The following PLOD2 variants were observed in gnomAD, a reference collection of about 807,000 sequenced individuals.
The protein encoded by PLOD2 is lysine hydroxylase 2.
PLOD2 carries 65 observed loss-of-function variants against 101.0 expected under a neutral mutation model. The ratio of observed to expected loss-of-function variants is 0.64; its 90% CI spans 0.53 to 0.79. PLOD2 has a LOEUF of 0.79. Ranked by LOEUF, PLOD2 falls within the 30% of genes least tolerant of loss-of-function variation. The pLI is 0.00. For missense variants in PLOD2, 909 were observed against 914.6 expected (o/e 0.99, Z 0.08); for synonymous variants, 314 against 302.9 (o/e 1.04, Z -0.38).
chr3:146,091,117 A>G (rs1000206333), intron 8 of PLOD2, among the ~76,000 whole-genome samples: 1 of 151,894 alleles, frequency 6.6e-6, no homozygotes, highest in African/African-American at 2.4e-5. Context: ...ATGATAAAAT[A>G]TAACTATCTA....
intron 1 of PLOD2, among the ~76,000 whole-genome samples, chr3:146,155,361 T>G (rs1464864972): frequency 2.0e-5 from 3 of 151,830 alleles, no homozygotes; most frequent in Non-Finnish European, 4.4e-5. Context: ...AATAACAGTC[T>G]CTATAATTCT....
intron 3 of PLOD2, among the ~76,000 whole-genome samples, chr3:146,112,346 A>G (rs1265644164): frequency 1.3e-5 from 2 of 152,182 alleles, no homozygotes; most frequent in Non-Finnish European, 1.5e-5. Flanking sequence ...TGTCCTTTGC[A>G]GGGACATGGA....
chr3:146,127,546 T>C (rs1048336458), intron 1 of PLOD2, among the ~76,000 whole-genome samples: 1 of 152,090 alleles, frequency 6.6e-6, no homozygotes, highest in Non-Finnish European at 1.5e-5. Context: ...CGTATATATA[T>C]ATATCACATT....
chr3:146,102,096 A>G (rs1335070564), intron 7 of PLOD2, among the ~76,000 whole-genome samples: 1 of 152,188 alleles, frequency 6.6e-6, no homozygotes, highest in African/African-American at 2.4e-5. Flanking sequence ...TTTTCTAGGT[A>G]CTTAAACCAG....
Position 146,076,822 on chromosome 3 carries a change from T to C in PLOD2, c.1637A>G (p.His546Arg). 2 of 1,586,984 alleles carry C rather than the reference T, an allele frequency of 1.3e-6. No homozygotes were observed. Among genetic ancestry groups the C allele is most frequent in the Non-Finnish European group, 1.7e-6 (2 of 1,156,894 alleles). The change falls in exon 15 of 20, where the codon CAT (histidine) becomes CGT (arginine). Residue 546 changes from histidine to arginine, a missense_variant. His to Arg is a conservative substitution (Grantham distance 29). Coordinates refer to ENST00000282903, the MANE Select transcript of PLOD2 (RefSeq NM_182943.3). ...LLSTANYNTS[H>R]YNNDLWQIFE... ...AATCTGCCAGAGGTCATTGTTATAA[T>C]GGGAAGTATTGTAATTAGCAGTGGA...
At chr3:146,076,692 G>A (rs576082249) in intron 15 of PLOD2, 90 bp downstream of exon 15, 1 of 706,832 alleles carries the variant, frequency 1.4e-6, no homozygotes, top group Admixed American at 2.3e-5. Context: ...ATTTTAAAAA[G>A]CCTCTAACCA....
At chr3:146,138,683 G>A (rs1235560133) in intron 1 of PLOD2, among the ~76,000 whole-genome samples, 1 of 152,132 alleles carries the variant, frequency 6.6e-6, no homozygotes, top group Non-Finnish European at 1.5e-5. Context: ...TGAATAGACT[G>A]TGCAGGGCCT....
rs1937433907 is a variant in PLOD2, at chr3:146,102,780, G to A, written c.752C>T (p.Ala251Val). Residue 251 changes from alanine (A) to valine (V), a missense_variant, in exon 7 of 20, where the codon GCA (alanine) becomes GTA (valine). By Grantham distance (64) the Ala-to-Val change is moderately conservative (BLOSUM62 0). Coordinates refer to ENST00000282903, the MANE Select transcript of PLOD2 (RefSeq NM_182943.3). ...KNTFYETLPV[A>V]INGNGPTKIL... ...CTTGGTGGGTCCATTTCCATTAATT[G>A]CCACTGGTAATGTTTCATAAAATGT... 2 of 1,596,174 alleles carry A rather than the reference G, an allele frequency of 1.3e-6. No homozygotes were observed. Among genetic ancestry groups the A allele is most frequent in the Non-Finnish European group, 1.7e-6 (2 of 1,163,928 alleles).
rs1209076996 is a variant in PLOD2 at position 146,096,455 on chromosome 3, C to A, written c.778-4554G>T. Among the ~76,000 whole-genome samples the A allele has an allele frequency of 6.4e-3, 722 of 112,112 alleles. 11 individuals are homozygous for A. Among genetic ancestry groups the A allele is most frequent in the African/African-American group, 0.024 (667 of 27,332 alleles). 73.5% of individuals were successfully genotyped at this position (112,112 alleles called of 152,430 possible). A position where few individuals can be genotyped will look rare whatever the true frequency, so the allele number is the denominator to read the frequency against. ...GGAAGCGAGGAGCGCCTCTTCCCCGCCGCCATCCCATCTAGGAAGTGAGGA... is the reference window on the plus strand; with the variant it reads ...GGAAGCGAGGAGCGCCTCTTCCCCGACGCCATCCCATCTAGGAAGTGAGGA... On this transcript the variant is annotated intron_variant, in intron 7 of 19. Coordinates refer to ENST00000282903, the MANE Select transcript of PLOD2 (RefSeq NM_182943.3).
At chr3:146,123,225 CT>C (rs1485651771) in intron 2 of PLOD2, 1 of 721,814 alleles carries the variant, frequency 1.4e-6, no homozygotes, top group Non-Finnish European at 1.8e-6. Context: ...AATCTTTCTT[CT>C]TTTTTAAAAA....
At chr3:146,159,602 G>T (rs986874587) in intron 1 of PLOD2, among the ~76,000 whole-genome samples, 8 of 152,134 alleles carry the variant, frequency 5.3e-5, no homozygotes, top group Admixed American at 2.6e-4. Context: ...CAAATTTGCT[G>T]AAAGTATTTA....
chr3:146,113,616 A>C (rs1164808927), intron 3 of PLOD2, among the ~76,000 whole-genome samples: 1 of 152,166 alleles, frequency 6.6e-6, no homozygotes, highest in Non-Finnish European at 1.5e-5. Flanking sequence ...CACTTCCCTA[A>C]TCAATACTCT....
At chr3:146,091,195 A>G (rs565910441) in intron 8 of PLOD2, among the ~76,000 whole-genome samples, 1 of 151,994 alleles carries the variant, frequency 6.6e-6, no homozygotes, top group East Asian at 1.9e-4. Context: ...CACAGTGTCA[A>G]GAACATACAG....
intron 2 of PLOD2, among the ~76,000 whole-genome samples, chr3:146,123,559 G>C (rs2030330936): frequency 1.3e-5 from 2 of 151,758 alleles, no homozygotes; most frequent in African/African-American, 4.8e-5. Context: ...CTCAATAATA[G>C]ACAGAAAAGG....
chr3:146,104,950 C>T (rs1335255664), intron 5 of PLOD2: 1 of 152,308 alleles, frequency 6.6e-6, no homozygotes, highest in Non-Finnish European at 1.5e-5. Flanking sequence ...AGTGATGAAA[C>T]TGAGATGGCC....
At chr3:146,102,907 C>A in intron 6 of PLOD2, 55 bp from the exon 7 acceptor site, 1 of 893,832 alleles carries the variant, frequency 1.1e-6, no homozygotes, top group South Asian at 1.3e-5. Context: ...GTGTGTGTGT[C>A]TGTATTCGTG....
intron 3 of PLOD2, among the ~76,000 whole-genome samples, chr3:146,111,074 T>TA (rs1937622610): frequency 6.6e-6 from 1 of 152,162 alleles, no homozygotes; most frequent in African/African-American, 2.4e-5. Flanking sequence ...ATTTAATTAA[T>TA]ATAATATAAT....
intron 1 of PLOD2, among the ~76,000 whole-genome samples, chr3:146,152,168 C>T (rs1268858604): frequency 6.6e-6 from 1 of 152,132 alleles, no homozygotes; most frequent in African/African-American, 2.4e-5. Flanking sequence ...CCTGTAATCC[C>T]AGCACTTTGG....
intron 7 of PLOD2, 60 bp downstream of exon 7, chr3:146,102,695 C>T (rs1937430886): frequency 1.2e-6 from 1 of 848,736 alleles, no homozygotes; most frequent in South Asian, 1.4e-5. Context: ...GATGACATTC[C>T]ACATATCAAT....
Sources: allele counts gnomAD v4.1 joint callset (sites outside exome capture counted in the v4.1 genomes callset), GRCh38; gene constraint gnomAD v4.1.1; transcripts MANE v1.5; gene names NCBI Gene and HGNC (gene_info 2026-07-23, HGNC 2026-07-21).